LRMDA: variants seen among roughly 807,000 people sequenced by gnomAD.
LRMDA encodes leucine rich melanocyte differentiation associated.
Under a neutral mutation model 29.8 loss-of-function variants are expected in LRMDA, and 18 were observed. The observed-to-expected ratio is 0.60, with a 90% CI of 0.42 to 0.90. The LOEUF is 0.90. Among genes scored for constraint, LRMDA ranks in the 40% least tolerant of loss-of-function variants. The probability of loss-of-function intolerance (pLI) is 0.00; values close to 1 mark genes in which losing one functional copy is unlikely to be tolerated. For missense variants in LRMDA, 273 were observed against 273.9 expected (o/e 1.00, Z 0.02); for synonymous variants, 125 against 109.4 (o/e 1.14, Z -0.89).
intron 2 of LRMDA, among the ~76,000 whole-genome samples, chr10:75,723,985 C>T (rs550296906): frequency 1.3e-5 from 2 of 152,226 alleles, no homozygotes; most frequent in African/African-American, 4.8e-5. Context: ...ATTGTTTGTC[C>T]AAGCATATCC....
intron 2 of LRMDA, among the ~76,000 whole-genome samples, chr10:75,553,888 G>A (rs1488173364): frequency 6.6e-6 from 1 of 152,124 alleles, no homozygotes; most frequent in African/African-American, 2.4e-5. Context: ...AAAATGAGGA[G>A]TGAGTGCAGA....
chr10:76,494,120 A>G (rs1842859771), intron 6 of LRMDA, among the ~76,000 whole-genome samples: 1 of 151,946 alleles, frequency 6.6e-6, no homozygotes, highest in Non-Finnish European at 1.5e-5. Flanking sequence ...TGCAAATAAT[A>G]ACAGTTTTCT....
At chr10:76,407,333 A>G (rs748110375) in intron 6 of LRMDA, among the ~76,000 whole-genome samples, 3 of 152,154 alleles carry the variant, frequency 2.0e-5, no homozygotes, top group Non-Finnish European at 2.9e-5. Context: ...CAAAATTTCT[A>G]TTGTTTCATT....
intron 2 of LRMDA, among the ~76,000 whole-genome samples, chr10:75,839,858 G>A (rs981106892): frequency 3.3e-5 from 5 of 151,922 alleles, no homozygotes; most frequent in East Asian, 1.9e-4. Flanking sequence ...ACAGGCGCCC[G>A]CCACCGCGCC....
chr10:75,528,622 A>G (rs755180471), intron 2 of LRMDA, among the ~76,000 whole-genome samples: 32 of 152,304 alleles, frequency 2.1e-4, no homozygotes, highest in South Asian at 1.0e-3. Flanking sequence ...GTGAAACTCC[A>G]GATGACAAGC....
intron 2 of LRMDA, among the ~76,000 whole-genome samples, chr10:75,473,692 T>A (rs1706610562): frequency 6.6e-6 from 1 of 152,234 alleles, no homozygotes; most frequent in Admixed American, 6.5e-5. Flanking sequence ...ATCTGTGGCA[T>A]GCTGGTTGTG....
chr10:76,193,185 T>C (rs774339218), intron 5 of LRMDA, among the ~76,000 whole-genome samples: 1 of 152,128 alleles, frequency 6.6e-6, no homozygotes, highest in Non-Finnish European at 1.5e-5. Context: ...CTGTTAGCAA[T>C]GTGATGGAAG....
At chr10:76,330,149 G>T (rs1441005691) in intron 6 of LRMDA, among the ~76,000 whole-genome samples, 1 of 152,210 alleles carries the variant, frequency 6.6e-6, no homozygotes, top group Non-Finnish European at 1.5e-5. Flanking sequence ...ATTCGGAGGT[G>T]CAGGGGCAGA....
intron 5 of LRMDA, among the ~76,000 whole-genome samples, chr10:76,085,630 T>C (rs908776561): frequency 9.2e-5 from 14 of 152,160 alleles, no homozygotes; most frequent in African/African-American, 2.9e-4. Flanking sequence ...CCTGTGTCCT[T>C]GGAGAGTCGG....
intron 5 of LRMDA, among the ~76,000 whole-genome samples, chr10:76,197,238 C>T (rs767544480): frequency 8.5e-5 from 13 of 152,192 alleles, no homozygotes; most frequent in South Asian, 8.3e-4. Flanking sequence ...TTTTAATGAG[C>T]GTGGAGCCAG....
intron 2 of LRMDA, among the ~76,000 whole-genome samples, chr10:75,490,370 CACACAG>C (rs769251738): frequency 3.1e-5 from 4 of 127,328 alleles, no homozygotes; most frequent in East Asian, 5.0e-4. Flanking sequence ...CACACACACA[CACACAG>C]AGTCAACTTC....
intron 6 of LRMDA, among the ~76,000 whole-genome samples, chr10:76,458,491 G>T (rs1010415591): frequency 1.3e-5 from 2 of 152,178 alleles, no homozygotes; most frequent in Non-Finnish European, 2.9e-5. Flanking sequence ...TACTGCTATG[G>T]ATATGGAATA....
At chr10:76,435,688 T>C (rs1430732215) in intron 6 of LRMDA, among the ~76,000 whole-genome samples, 1 of 152,202 alleles carries the variant, frequency 6.6e-6, no homozygotes, top group Non-Finnish European at 1.5e-5. Flanking sequence ...TGGTGAATAC[T>C]CTTCACACAA....
intron 5 of LRMDA, among the ~76,000 whole-genome samples, chr10:76,118,688 G>T (rs1162436014): frequency 6.6e-6 from 1 of 151,994 alleles, no homozygotes; most frequent in Admixed American, 6.6e-5. Context: ...CAAGCCCAGG[G>T]TACCAAGCCC....
At chr10:76,465,488 C>T (rs1448188449) in intron 6 of LRMDA, among the ~76,000 whole-genome samples, 1 of 152,060 alleles carries the variant, frequency 6.6e-6, no homozygotes, top group Non-Finnish European at 1.5e-5. Context: ...CACAGTGACC[C>T]ATAGCAATAA....
At position 75,946,929 on chromosome 10, in the gene LRMDA, G is replaced by A. The variant is rs571243562; in HGVS notation, c.132-89079G>A. On this transcript the variant is annotated intron_variant, in intron 2 of 6. Transcript: ENST00000611255. ...AAGACTTCTGGTTGAACACCTTCAC[G>A]TCACATAGGAGGAACTGGGGCTGAA... Among the ~76,000 whole-genome samples, 5 of 152,060 alleles carry A rather than the reference G, an allele frequency of 3.3e-5. No individual in the cohort carries two copies. In the South Asian group the frequency reaches 1.0e-3, roughly 32 times the overall value.
intron 2 of LRMDA, chr10:75,450,682 C>T (rs745341200): frequency 6.6e-6 from 1 of 152,152 alleles, no homozygotes; most frequent in Non-Finnish European, 1.5e-5. Context: ...AATTGGGTAA[C>T]TCTTAATAGT....
intron 2 of LRMDA, among the ~76,000 whole-genome samples, chr10:75,542,887 G>C (rs1840034988): frequency 1.3e-5 from 2 of 152,292 alleles, no homozygotes; most frequent in Admixed American, 1.3e-4. Flanking sequence ...GCCCCTTCCT[G>C]CCACTGTCCG....
At chr10:76,299,460 GGACCC>G (rs1360303887) in intron 5 of LRMDA, among the ~76,000 whole-genome samples, 18 of 152,214 alleles carry the variant, frequency 1.2e-4, no homozygotes, top group African/African-American at 3.6e-4. Flanking sequence ...GGTTTTACCT[GGACCC>G]AGAAGTTCAT....
Sources: allele counts gnomAD v4.1 joint callset (sites outside exome capture counted in the v4.1 genomes callset), GRCh38; gene constraint gnomAD v4.1.1; transcripts MANE v1.5; gene names NCBI Gene and HGNC (gene_info 2026-07-23, HGNC 2026-07-21).